Variants in NCAM1 observed in about 807,000 individuals in gnomAD.
NCAM1 encodes the protein antigen recognized by monoclonal antibody 5.1H11.
In NCAM1, 14 loss-of-function variants were observed where a neutral mutation model predicts 109.8. The ratio of observed to expected loss-of-function variants is 0.13; its 90% CI spans 0.08 to 0.20. The LOEUF (loss-of-function observed/expected upper bound fraction) is 0.20. NCAM1 is among the 10% of genes least tolerant of loss of function. The pLI, the probability that NCAM1 is intolerant of heterozygous loss-of-function variation, is 1.00. For missense variants in NCAM1, 774 were observed against 1,109.9 expected (o/e 0.70, Z 4.30); for synonymous variants, 418 against 442.9 (o/e 0.94, Z 0.70).
chr11:113,257,593 G>A (rs1945865641), intron 16 of NCAM1, among the ~76,000 whole-genome samples: 1 of 152,192 alleles, frequency 6.6e-6, no homozygotes, highest in South Asian at 2.1e-4. Flanking sequence ...AGGAGCCACT[G>A]TGGCTGCAGC....
chr11:113,131,274 T>C (rs1941371395), intron 1 of NCAM1, among the ~76,000 whole-genome samples: 1 of 152,184 alleles, frequency 6.6e-6, no homozygotes, highest in South Asian at 2.1e-4. Context: ...AGCCCTGTCA[T>C]GGCCTGTCAG....
In NCAM1 at chr11:113,273,240, G is replaced by A. The variant is rs1221331140; in HGVS notation, c.2456+1364G>A. On this transcript the variant is annotated intron_variant, in intron 19 of 19. Transcript: ENST00000316851. This position sits in a 1 kb window ranked among gnomAD's most constrained non-coding sequence, Gnocchi z 6.0. The stretch of plus-strand genomic sequence containing the variant: ...CGACACCCCGACCTCAACCCCTGCC[G>A]CTAGCAATTTGTCTTCTAGTGTCCT... 1.5e-5 allele frequency: 5 copies of A among 341,872 alleles called. No individual in the cohort carries two copies. The highest frequency in any genetic ancestry group is 2.5e-5 in the African/African-American group (1 of 39,836). The allele number at this position is 341,872 out of a possible 1,614,324, so 21.2% of individuals were successfully genotyped here.
intron 8 of NCAM1, 129 bp downstream of exon 8, chr11:113,214,640 C>A: frequency 9.7e-7 from 1 of 1,027,950 alleles, no homozygotes; most frequent in Non-Finnish European, 1.4e-6. Flanking sequence ...AGCCAGATCC[C>A]GGGGCCTCCC....
At chr11:113,241,867 G>T (rs371774762) in intron 14 of NCAM1, among the ~76,000 whole-genome samples, 1 of 152,214 alleles carries the variant, frequency 6.6e-6, no homozygotes, top group Admixed American at 6.5e-5. Context: ...AGCCCCTGTG[G>T]TTTGGACTCA....
intron 1 of NCAM1, among the ~76,000 whole-genome samples, chr11:113,178,367 G>T (rs1018213028): frequency 2.6e-5 from 4 of 152,144 alleles, no homozygotes; most frequent in African/African-American, 4.8e-5. Context: ...AGGCTGCAGG[G>T]GCTCATCTCC....
At chr11:113,041,818 T>C (rs1441824880) in intron 1 of NCAM1, among the ~76,000 whole-genome samples, 1 of 152,068 alleles carries the variant, frequency 6.6e-6, no homozygotes, top group Non-Finnish European at 1.5e-5. Context: ...GATAGAATCC[T>C]CCCCACTCTT....
At chr11:113,065,116 G>A (rs1446890568) in intron 1 of NCAM1, among the ~76,000 whole-genome samples, 1 of 152,092 alleles carries the variant, frequency 6.6e-6, no homozygotes, top group Non-Finnish European at 1.5e-5. Context: ...CACAATGGGT[G>A]GAGTCTGTTA....
At chr11:113,055,858 G>A (rs782339751) in intron 1 of NCAM1, among the ~76,000 whole-genome samples, 1 of 150,790 alleles carries the variant, frequency 6.6e-6, no homozygotes, top group Non-Finnish European at 1.5e-5. Flanking sequence ...ACAAAAGAAA[G>A]GACATCAGTA....
intron 9 of NCAM1, among the ~76,000 whole-genome samples, chr11:113,226,575 T>A (rs557050092): frequency 3.5e-4 from 54 of 152,276 alleles, no homozygotes; most frequent in African/African-American, 1.3e-3. Flanking sequence ...CTGCACCAAG[T>A]GGAGCTAATA....
intron 1 of NCAM1, among the ~76,000 whole-genome samples, chr11:113,127,617 T>C (rs551601268): frequency 1.3e-5 from 2 of 152,318 alleles, no homozygotes; most frequent in East Asian, 1.9e-4. Context: ...GGTGAGAGGA[T>C]AGAAATTTTT....
intron 1 of NCAM1, among the ~76,000 whole-genome samples, chr11:113,070,397 T>A (rs781869031): frequency 1.1e-3 from 162 of 152,072 alleles, no homozygotes; most frequent in African/African-American, 3.8e-3. Flanking sequence ...TCCAAGAAGT[T>A]TGCCTAGAAG....
At chr11:113,049,699 C>T (rs1369959471) in intron 1 of NCAM1, among the ~76,000 whole-genome samples, 2 of 152,176 alleles carry the variant, frequency 1.3e-5, no homozygotes, top group Non-Finnish European at 2.9e-5. Flanking sequence ...AAAGGCAGAA[C>T]AGAAAAATAG....
At chr11:113,087,382 C>T (rs560889524) in intron 1 of NCAM1, among the ~76,000 whole-genome samples, 3 of 152,334 alleles carry the variant, frequency 2.0e-5, no homozygotes, top group South Asian at 4.1e-4. Flanking sequence ...GCCTAAAGTA[C>T]GATCCACAGA....
At chr11:113,127,377 C>G (rs891162955) in intron 1 of NCAM1, among the ~76,000 whole-genome samples, 1 of 152,176 alleles carries the variant, frequency 6.6e-6, no homozygotes, top group African/African-American at 2.4e-5. Context: ...AGACTGTGTA[C>G]AGAAAACTGT....
chr11:113,164,897 G>T (rs1555105008), intron 1 of NCAM1, among the ~76,000 whole-genome samples: 38 of 152,060 alleles, frequency 2.5e-4, no homozygotes, highest in Non-Finnish European at 5.9e-5. Flanking sequence ...ATCATGATTT[G>T]GTCTTCCTGA....
intron 1 of NCAM1, among the ~76,000 whole-genome samples, chr11:113,093,052 C>G (rs1939424319): frequency 6.6e-6 from 1 of 152,098 alleles, no homozygotes; most frequent in African/African-American, 2.4e-5. Context: ...ATCTTTGGAG[C>G]CTGGCTTGTC....
intron 17 of NCAM1, chr11:113,263,896 T>C (rs918917957): frequency 3.9e-5 from 38 of 985,360 alleles, no homozygotes; most frequent in South Asian, 4.7e-5. Flanking sequence ...GGTTAATAAA[T>C]TGGGGCCGAG....
At chr11:113,173,617 TATATATATA>T (rs1943058866) in intron 1 of NCAM1, among the ~76,000 whole-genome samples, 1 of 142,792 alleles carries the variant, frequency 7.0e-6, no homozygotes, top group Non-Finnish European at 1.5e-5. Context: ...TATATATATA[TATATATATA>T]TTTTAGAGGG....
chr11:113,005,028 G>T (rs1555073084), intron 1 of NCAM1, among the ~76,000 whole-genome samples: 1 of 151,972 alleles, frequency 6.6e-6, no homozygotes, highest in African/African-American at 2.4e-5. Flanking sequence ...GTTTCCAAGA[G>T]CTCTTTCTTG....
Sources: gnomAD v4.1 joint callset for allele counts (sites outside exome capture counted in the v4.1 genomes callset) on GRCh38, gnomAD v4.1.1 for gene constraint, Gnocchi (gnomAD v3.1) non-coding constraint, MANE v1.5 for transcripts, NCBI Gene and HGNC (gene_info 2026-07-23, HGNC 2026-07-21) for gene names.